Variants in SH3KBP1 observed in about 807,000 individuals in gnomAD.
SH3KBP1 encodes SH3 domain-containing kinase-binding protein 1.
SH3KBP1 carries 8 observed loss-of-function variants against 50.1 expected under a neutral mutation model. The observed-to-expected ratio is 0.16, with a 90% CI of 0.09 to 0.29. SH3KBP1 has a LOEUF of 0.29. SH3KBP1 is among the 10% of genes least tolerant of loss of function. The pLI is 1.00. For missense variants in SH3KBP1, 377 were observed against 535.2 expected, an observed-to-expected ratio of 0.70 and a Z score of 2.92; for synonymous variants, 227 against 218.6, an observed-to-expected ratio of 1.04 and a Z score of -0.34.
chrX:19,561,577 C>G (rs1461862091), intron 13 of SH3KBP1, among the ~76,000 whole-genome samples: 2 of 111,865 alleles, frequency 1.8e-5, no homozygotes, highest in Non-Finnish European at 3.8e-5. Flanking sequence ...CACCTTCCAT[C>G]TTTGCAGATG....
intron 6 of SH3KBP1, among the ~76,000 whole-genome samples, chrX:19,673,317 A>G (rs968129461): frequency 8.9e-6 from 1 of 111,908 alleles, no homozygotes; most frequent in East Asian, 2.8e-4. Flanking sequence ...GCCCATGTGT[A>G]TATCTATGTA....
intron 13 of SH3KBP1, among the ~76,000 whole-genome samples, chrX:19,568,441 C>A (rs1008541739): frequency 9.0e-6 from 1 of 111,458 alleles, no homozygotes; most frequent in African/African-American, 3.3e-5. Flanking sequence ...GCCTTTATGT[C>A]AAAAAATAAA....
chrX:19,746,909 A>G (rs1448790783), intron 2 of SH3KBP1, among the ~76,000 whole-genome samples: 4 of 112,422 alleles, frequency 3.6e-5, no homozygotes, highest in Non-Finnish European at 7.5e-5. Flanking sequence ...ATTCTAATGC[A>G]TTTACAGTCA....
At chrX:19,848,756 A>G (rs2068426404) in intron 1 of SH3KBP1, among the ~76,000 whole-genome samples, 2 of 109,679 alleles carry the variant, frequency 1.8e-5, no homozygotes, top group African/African-American at 6.6e-5. Context: ...AATGGTCACT[A>G]GCAGCTGTGG....
intron 6 of SH3KBP1, 56 bp downstream of exon 6, chrX:19,683,767 C>T (rs2063111081): frequency 1.8e-6 from 2 of 1,100,869 alleles, no homozygotes; most frequent in Admixed American, 2.2e-5. Context: ...AACCCCACAA[C>T]GTACTTTTGG....
Position 19,572,164 on chromosome X carries a change from T to C in SH3KBP1, c.1299-2976A>G, listed in dbSNP as rs756742547. Reference sequence around the variant, plus strand: ...TCTTATTTTCCTTTTATTGTCATTCTCAACTATTCTTTTATATATATAAAG... The same window carrying C: ...TCTTATTTTCCTTTTATTGTCATTCCCAACTATTCTTTTATATATATAAAG... On this transcript the variant is annotated intron_variant, in intron 12 of 17. Transcript: ENST00000397821. 2.8e-5 allele frequency among the ~76,000 whole-genome samples: 3 copies of C among 106,612 alleles called. No homozygotes were observed. The South Asian group carries it at 1.1e-3, about 40-fold the overall frequency. 92.6% of individuals were successfully genotyped at this position (106,612 alleles called of 115,157 possible).
chrX:19,630,478 C>T (rs2061551714), intron 8 of SH3KBP1, among the ~76,000 whole-genome samples: 1 of 112,335 alleles, frequency 8.9e-6, no homozygotes, highest in Non-Finnish European at 1.9e-5. Context: ...AAAAGAATCA[C>T]TTCTGCCTCA....
intron 8 of SH3KBP1, among the ~76,000 whole-genome samples, chrX:19,611,857 G>A (rs1437737273): frequency 1.9e-5 from 2 of 103,188 alleles, no homozygotes; most frequent in Non-Finnish European, 3.9e-5. Context: ...ATGTCTAATT[G>A]TTCTGATTGG....
At chrX:19,646,643 TC>T (rs2061996110) in intron 6 of SH3KBP1, among the ~76,000 whole-genome samples, 1 of 112,394 alleles carries the variant, frequency 8.9e-6, no homozygotes, top group African/African-American at 3.2e-5. Flanking sequence ...GAATTTTTCT[TC>T]AAAAAAAACT....
chrX:19,885,578 A>G, intron 1 of SH3KBP1, among the ~76,000 whole-genome samples: 1 of 111,230 alleles, frequency 9.0e-6, no homozygotes, highest in Non-Finnish European at 1.9e-5. Context: ...ATTCTTCTTA[A>G]ATGAGACTCA....
At chrX:19,837,738 G>A (rs199762496) in intron 1 of SH3KBP1, among the ~76,000 whole-genome samples, 1 of 110,785 alleles carries the variant, frequency 9.0e-6, no homozygotes, top group Non-Finnish European at 1.9e-5. Flanking sequence ...ACCGTGCCCA[G>A]CCACCTTTTC....
chrX:19,876,155 T>C (rs2069244679), intron 1 of SH3KBP1, among the ~76,000 whole-genome samples: 2 of 111,289 alleles, frequency 1.8e-5, no homozygotes, highest in South Asian at 7.4e-4. Context: ...GGTCGGGAGT[T>C]CCAGACCAGC....
intron 13 of SH3KBP1, among the ~76,000 whole-genome samples, chrX:19,554,249 A>C (rs2065396392): frequency 1.2e-5 from 1 of 83,217 alleles, no homozygotes; most frequent in Non-Finnish European, 2.1e-5. Flanking sequence ...TATATATATT[A>C]AAATATATTA....
At chrX:19,698,106 T>C (rs1216893669) in intron 4 of SH3KBP1, among the ~76,000 whole-genome samples, 2 of 111,679 alleles carry the variant, frequency 1.8e-5, no homozygotes, top group Non-Finnish European at 3.8e-5. Context: ...TCACCATGAG[T>C]CTCAGTATCA....
At chrX:19,645,319 A>G (rs1437664418) in intron 7 of SH3KBP1, 81 bp downstream of exon 7, 1 of 741,097 alleles carries the variant, frequency 1.3e-6, no homozygotes, top group Admixed American at 2.6e-5. Flanking sequence ...AAGGTTATAT[A>G]GGGATTTCTA....
chrX:19,709,113 A>T (rs1010165261), intron 3 of SH3KBP1, among the ~76,000 whole-genome samples: 5 of 112,255 alleles, frequency 4.5e-5, no homozygotes, highest in African/African-American at 1.6e-4. Context: ...TCTTAAACCA[A>T]ATCCCCGCAT....
chrX:19,585,539 G>A lies in SH3KBP1; in HGVS notation c.1298+3104C>T, dbSNP rs1011858680. 2.7e-5 allele frequency among the ~76,000 whole-genome samples: 3 copies of A among 111,470 alleles called. No individual in the cohort carries two copies. The South Asian group carries it at 1.1e-3, about 42-fold the overall frequency. On this transcript the variant is annotated intron_variant, in intron 12 of 17. Coordinates refer to ENST00000397821, the MANE Select transcript of SH3KBP1 (RefSeq NM_031892.3). ...GAGCAATCATGAGATCTAAGGGAAG[G>A]CTTCCAGAGGAGGGCATGCTAACAG... is the stretch of plus-strand genomic sequence containing the variant.
chrX:19,673,015 G>A (rs1399385986), intron 6 of SH3KBP1, among the ~76,000 whole-genome samples: 9 of 98,764 alleles, frequency 9.1e-5, no homozygotes, highest in Middle Eastern at 0.011. Flanking sequence ...GCAGTGAGCC[G>A]AGATGGCGCC....
intron 1 of SH3KBP1, among the ~76,000 whole-genome samples, chrX:19,871,106 T>C (rs947114491): frequency 8.9e-6 from 1 of 112,602 alleles, no homozygotes; most frequent in Non-Finnish European, 1.9e-5. Flanking sequence ...TCTAATTTGA[T>C]GTGTTTTGCT....
Sources: gnomAD v4.1 joint callset for allele counts (sites outside exome capture counted in the v4.1 genomes callset) on GRCh38, gnomAD v4.1.1 for gene constraint, MANE v1.5 for transcripts, NCBI Gene and HGNC (gene_info 2026-07-23, HGNC 2026-07-21) for gene names.